XRCC4: variants seen among roughly 807,000 people sequenced by gnomAD.
XRCC4 encodes the protein DNA repair protein XRCC4.
Under a neutral mutation model 39.1 loss-of-function variants are expected in XRCC4, and 28 were observed. The observed-to-expected ratio is 0.72, with a 90% CI of 0.53 to 0.98. The LOEUF is 0.98. Ranked by LOEUF, XRCC4 falls within the 50% of genes least tolerant of loss-of-function variation. XRCC4 has a pLI of 0.00. For missense variants in XRCC4, 350 were observed against 376.4 expected, an observed-to-expected ratio of 0.93 and a Z score of 0.58; for synonymous variants, 123 against 126.4, an observed-to-expected ratio of 0.97 and a Z score of 0.18.
chr5:83,353,246 T>G lies in XRCC4; in HGVS notation c.*4T>G. 4.4e-6 allele frequency: 7 copies of G among 1,574,952 alleles called. No homozygotes were observed. Among genetic ancestry groups the G allele is most frequent in the Non-Finnish European group, 6.0e-6 (7 of 1,159,798 alleles). ...AGACCTCTTTGATGAGATTTAACAG[T>G]CTCAAAAAATACTTTGATGTTCACT... On this transcript the variant is annotated 3_prime_UTR_variant, in exon 8 of 8. Coordinates refer to ENST00000396027, the MANE Select transcript of XRCC4 (RefSeq NM_003401.5).
chr5:83,297,124 T>C (rs77573498), intron 7 of XRCC4, among the ~76,000 whole-genome samples: 5,645 of 151,958 alleles, frequency 0.037, 336 homozygotes, highest in African/African-American at 0.13. Flanking sequence ...TAACAAAATA[T>C]AAGTAAACTG....
At chr5:83,119,641 T>G (rs2112437339) in intron 3 of XRCC4, among the ~76,000 whole-genome samples, 1 of 152,186 alleles carries the variant, frequency 6.6e-6, no homozygotes, top group East Asian at 1.9e-4. Flanking sequence ...ATATCTTAAC[T>G]TTTTTGTTCA....
intron 1 of XRCC4, among the ~76,000 whole-genome samples, chr5:83,081,438 C>T (rs1744937232): frequency 6.6e-6 from 1 of 152,076 alleles, no homozygotes; most frequent in Non-Finnish European, 1.5e-5. Flanking sequence ...TCCCACATGG[C>T]TTTTCAATTC....
At chr5:83,266,111 C>A (rs1753944700) in intron 7 of XRCC4, among the ~76,000 whole-genome samples, 1 of 151,808 alleles carries the variant, frequency 6.6e-6, no homozygotes, top group Non-Finnish European at 1.5e-5. Context: ...GTTATTGTTT[C>A]AGGCATTTTA....
intron 1 of XRCC4, among the ~76,000 whole-genome samples, chr5:83,101,077 C>T (rs78525734): frequency 0.038 from 5,747 of 151,724 alleles, 131 homozygotes; most frequent in East Asian, 0.11. Flanking sequence ...ATTGATGGGG[C>T]TATAAGGATT....
At chr5:83,205,059 C>T in intron 6 of XRCC4, 138 bp downstream of exon 6, 1 of 594,974 alleles carries the variant, frequency 1.7e-6, no homozygotes, top group Non-Finnish European at 2.8e-6. Flanking sequence ...ATTTTAAAAA[C>T]TCAAATTTTT....
At chr5:83,186,430 A>T (rs988135526) in intron 3 of XRCC4, among the ~76,000 whole-genome samples, 4 of 152,242 alleles carry the variant, frequency 2.6e-5, no homozygotes, top group African/African-American at 9.6e-5. Flanking sequence ...ACTTGTGACT[A>T]CATCACTCCC....
chr5:83,266,482 T>A (rs1023819407), intron 7 of XRCC4, among the ~76,000 whole-genome samples: 2 of 151,598 alleles, frequency 1.3e-5, no homozygotes, highest in Non-Finnish European at 2.9e-5. Context: ...GTAACAGATG[T>A]CAGCAAATGG....
chr5:83,258,746 A>G, intron 7 of XRCC4, 69 bp downstream of exon 7: 2 of 1,516,672 alleles, frequency 1.3e-6, no homozygotes, highest in Non-Finnish European at 1.8e-6. Context: ...GATCTTAAAA[A>G]TTATGTTTTC....
At chr5:83,270,507 C>T (rs1754103748) in intron 7 of XRCC4, among the ~76,000 whole-genome samples, 1 of 152,072 alleles carries the variant, frequency 6.6e-6, no homozygotes. Flanking sequence ...TGACTGCAGC[C>T]TACTCCCTTT....
intron 6 of XRCC4, among the ~76,000 whole-genome samples, chr5:83,228,822 AG>A (rs1752386722): frequency 6.6e-6 from 1 of 152,074 alleles, no homozygotes; most frequent in South Asian, 2.1e-4. Context: ...TAAGGCCCTT[AG>A]TGATATCCCG....
At chr5:83,233,977 A>C (rs1428900160) in intron 6 of XRCC4, among the ~76,000 whole-genome samples, 1 of 151,884 alleles carries the variant, frequency 6.6e-6, no homozygotes, top group African/African-American at 2.4e-5. Flanking sequence ...TATTTACAGC[A>C]CTATGGAGAT....
chr5:83,197,065 G>A (rs564130578), intron 4 of XRCC4, among the ~76,000 whole-genome samples: 1 of 150,820 alleles, frequency 6.6e-6, no homozygotes, highest in South Asian at 2.1e-4. Context: ...TTAAGAAAGT[G>A]GTTATTTTGT....
intron 3 of XRCC4, among the ~76,000 whole-genome samples, chr5:83,131,633 TG>T (rs1344758536): frequency 6.6e-6 from 1 of 152,198 alleles, no homozygotes; most frequent in Non-Finnish European, 1.5e-5. Context: ...CATTATGTAA[TG>T]GCCTTCTTTG....
At chr5:83,309,692 A>C (rs2112087630) in intron 7 of XRCC4, among the ~76,000 whole-genome samples, 1 of 125,706 alleles carries the variant, frequency 8.0e-6, no homozygotes, top group South Asian at 2.8e-4. Context: ...TGAACCCGGG[A>C]GGCGGAGGTT....
intron 7 of XRCC4, among the ~76,000 whole-genome samples, chr5:83,294,439 C>A (rs1755027235): frequency 6.6e-6 from 1 of 152,120 alleles, no homozygotes; most frequent in East Asian, 1.9e-4. Context: ...GTATTGTGCT[C>A]TGAAAAGTCA....
chr5:83,165,379 G>A (rs964060908), intron 3 of XRCC4, among the ~76,000 whole-genome samples: 1 of 152,138 alleles, frequency 6.6e-6, no homozygotes, highest in Non-Finnish European at 1.5e-5. Context: ...TGGAACTAGA[G>A]AATTTTATAT....
At chr5:83,140,086 GTATTAGGGTTC>G (rs1463821720) in intron 3 of XRCC4, among the ~76,000 whole-genome samples, 1 of 152,144 alleles carries the variant, frequency 6.6e-6, no homozygotes, top group Non-Finnish European at 1.5e-5. Context: ...GTATGCATGT[GTATTAGGGTTC>G]TCCAGAGGGA....
At chr5:83,093,421 G>T (rs1033618990) in intron 1 of XRCC4, among the ~76,000 whole-genome samples, 3 of 152,050 alleles carry the variant, frequency 2.0e-5, no homozygotes, top group Non-Finnish European at 2.9e-5. Context: ...AATTAATAAG[G>T]CAATGTTAGA....
Sources: gnomAD v4.1 joint callset for allele counts (sites outside exome capture counted in the v4.1 genomes callset) on GRCh38, gnomAD v4.1.1 for gene constraint, MANE v1.5 for transcripts, NCBI Gene and HGNC (gene_info 2026-07-23, HGNC 2026-07-21) for gene names.